The following DRC5 variants were observed in gnomAD, a reference collection of about 807,000 sequenced individuals.
DRC5 encodes dynein regulatory complex subunit 5, also known as T-complex-associated testis-expressed protein 1.
At chr6:44,286,304 G>A in the DRC5 span, 2 of 1,613,326 alleles carry the variant, frequency 1.2e-6, no homozygotes, top group African/African-American at 1.3e-5. Flanking sequence ...TGTGGTGCCT[G>A]GGATAAAGTG....
At chr6:44,297,402 G>A in the DRC5 span, among the ~76,000 whole-genome samples, 3 of 152,128 alleles carry the variant, frequency 2.0e-5, no homozygotes, top group African/African-American at 2.4e-5. Context: ...CCCCAGCCCC[G>A]GGCCAGACGG....
At chr6:44,286,675 G>T in the DRC5 span, 3 of 705,352 alleles carry the variant, frequency 4.3e-6, no homozygotes, top group East Asian at 2.6e-5. Flanking sequence ...CTGCTCTCAG[G>T]GGGGCTCAAG....
the DRC5 span, chr6:44,279,748 GGTGTGTGTGT>G: frequency 0.036 from 4,848 of 135,330 alleles, 124 homozygotes; most frequent in African/African-American, 0.073. Context: ...GTAGCCAGAG[GGTGTGTGTGT>G]GTGTGTGTGT....
chr6:44,295,040 G>A, the DRC5 span, among the ~76,000 whole-genome samples: 3 of 152,198 alleles, frequency 2.0e-5, no homozygotes, highest in African/African-American at 7.2e-5. Flanking sequence ...CAGTCCCCAA[G>A]GACCCACAGA....
the DRC5 span, among the ~76,000 whole-genome samples, chr6:44,281,021 CTG>C: frequency 0.17 from 26,244 of 151,006 alleles, 2,501 homozygotes; most frequent in East Asian, 0.4. Context: ...CCTCTAGAAA[CTG>C]TGTGTGTGTG....
the DRC5 span, among the ~76,000 whole-genome samples, chr6:44,289,010 A>G: frequency 4.2e-5 from 6 of 144,252 alleles, no homozygotes; most frequent in Admixed American, 1.4e-4. Flanking sequence ...AAAAAAAAAA[A>G]AAAAAAAAAA....
At chr6:44,295,064 G>C in the DRC5 span, among the ~76,000 whole-genome samples, 1 of 152,214 alleles carries the variant, frequency 6.6e-6, no homozygotes, top group Non-Finnish European at 1.5e-5. Context: ...CAGTCCTGGA[G>C]GTGGCTGAAG....
At chr6:44,295,783 G>A in the DRC5 span, among the ~76,000 whole-genome samples, 4 of 152,144 alleles carry the variant, frequency 2.6e-5, no homozygotes, top group African/African-American at 9.7e-5. Flanking sequence ...TCTCCACGGT[G>A]CCCCCCACTA....
chr6:44,280,654 A>G, the DRC5 span, among the ~76,000 whole-genome samples: 1 of 152,330 alleles, frequency 6.6e-6, no homozygotes, highest in African/African-American at 2.4e-5. Flanking sequence ...TGGTTCAGCC[A>G]TGGGCATGTG....
At chr6:44,291,863 C>A in the DRC5 span, among the ~76,000 whole-genome samples, 1 of 152,162 alleles carries the variant, frequency 6.6e-6, no homozygotes, top group Non-Finnish European at 1.5e-5. Flanking sequence ...CATCCAGATG[C>A]CGGCACCAGA....
chr6:44,296,074 A>T, the DRC5 span, among the ~76,000 whole-genome samples: 1 of 152,234 alleles, frequency 6.6e-6, no homozygotes, highest in Non-Finnish European at 1.5e-5. Flanking sequence ...ACAAATGAGG[A>T]AACTGAAACT....
the DRC5 span, among the ~76,000 whole-genome samples, chr6:44,281,148 T>C: frequency 6.6e-6 from 1 of 152,116 alleles, no homozygotes; most frequent in Non-Finnish European, 1.5e-5. Context: ...CCCTGCTCAA[T>C]GGTCATCACA....
chr6:44,287,831 A>T, the DRC5 span: 5 of 1,611,478 alleles, frequency 3.1e-6, no homozygotes, highest in South Asian at 4.4e-5. Flanking sequence ...TGCATGCTGG[A>T]GGCTGGCAAG....
the DRC5 span, chr6:44,286,089 C>G: frequency 6.2e-7 from 1 of 1,614,176 alleles, no homozygotes; most frequent in Non-Finnish European, 8.5e-7. Context: ...TCCAGCTCCT[C>G]CAGGTGGCTC....
At chr6:44,296,159 T>C in the DRC5 span, among the ~76,000 whole-genome samples, 16 of 152,224 alleles carry the variant, frequency 1.1e-4, no homozygotes, top group African/African-American at 3.9e-4. Context: ...TGTGTCTGTC[T>C]AATGCTCTTA....
chr6:44,286,970 A>T, the DRC5 span, among the ~76,000 whole-genome samples: 3 of 152,222 alleles, frequency 2.0e-5, no homozygotes, highest in Non-Finnish European at 4.4e-5. Flanking sequence ...ATAGAAGAGT[A>T]AGCAAACAGG....
chr6:44,295,933 G>C, the DRC5 span, among the ~76,000 whole-genome samples: 2 of 152,170 alleles, frequency 1.3e-5, no homozygotes, highest in Non-Finnish European at 2.9e-5. Context: ...ATATAGTGCT[G>C]GGCCCAGAGC....
the DRC5 span, chr6:44,285,988 G>A: frequency 6.2e-7 from 1 of 1,613,854 alleles, no homozygotes; most frequent in Non-Finnish European, 8.5e-7. Flanking sequence ...ATGCCTTGAT[G>A]GCGGCTGCCA....
the DRC5 span, among the ~76,000 whole-genome samples, chr6:44,292,636 T>C: frequency 6.6e-6 from 1 of 152,172 alleles, no homozygotes; most frequent in African/African-American, 2.4e-5. Flanking sequence ...GAGTGTCTAT[T>C]GGTCAGGGCA....
Sources: gnomAD v4.1 joint callset for allele counts (sites outside exome capture counted in the v4.1 genomes callset) on GRCh38, gnomAD v4.1.1 for gene constraint, MANE v1.5 for transcripts, NCBI Gene and HGNC (gene_info 2026-07-23, HGNC 2026-07-21) for gene names.